The following EPHA5 variants were observed in gnomAD, a reference collection of about 807,000 sequenced individuals.
EPHA5 encodes ephrin type-A receptor 5.
A neutral mutation model predicts 105.0 loss-of-function variants in EPHA5; 60 were observed. That is an observed-to-expected ratio of 0.57 (90% confidence interval 0.46 to 0.71). EPHA5 has a LOEUF of 0.71. EPHA5 is among the 30% of genes least tolerant of loss of function. EPHA5 has a pLI of 0.00. For missense variants in EPHA5, 1,218 were observed against 1,274.7 expected, an observed-to-expected ratio of 0.96 and a Z score of 0.68; for synonymous variants, 513 against 449.1, an observed-to-expected ratio of 1.14 and a Z score of -1.80.
rs538315474 is a variant in EPHA5 at position 65,322,038 on chromosome 4, T to C, written c.*2076A>G. The C allele has an allele frequency of 8.8e-6, 2 of 226,476 alleles. No homozygotes were observed. Among genetic ancestry groups the C allele is most frequent in the African/African-American group, 4.4e-5 (2 of 45,116 alleles). 14.0% of individuals were successfully genotyped at this position (226,476 alleles called of 1,614,324 possible). ...GTTTATTGAAATGAACAAATGCATC[T>C]TTAATAATGGTGATGCTTTTTTATG... On this transcript the variant is annotated 3_prime_UTR_variant, in exon 17 of 17. Transcript: ENST00000613740.
intron 3 of EPHA5, among the ~76,000 whole-genome samples, chr4:65,528,632 A>G (rs1159860164): frequency 6.6e-6 from 1 of 152,182 alleles, no homozygotes; most frequent in Admixed American, 6.6e-5. Flanking sequence ...GTACTTGTCA[A>G]CAAATAGGTA....
At chr4:65,348,029 T>G (rs1365094017) in intron 14 of EPHA5, 25 bp downstream of exon 14, 2 of 1,546,832 alleles carry the variant, frequency 1.3e-6, no homozygotes, top group Admixed American at 2.1e-5. Context: ...ATTGTCAAGT[T>G]GGGAAAGAGT....
At chr4:65,639,862 G>A (rs766255646) in intron 2 of EPHA5, among the ~76,000 whole-genome samples, 22 of 151,948 alleles carry the variant, frequency 1.4e-4, no homozygotes, top group East Asian at 9.7e-4. Context: ...TGCTGTTAAG[G>A]CTGTATTGCA....
intron 3 of EPHA5, among the ~76,000 whole-genome samples, chr4:65,578,909 A>ATT (rs1410719989): frequency 6.6e-6 from 1 of 152,104 alleles, no homozygotes; most frequent in Non-Finnish European, 1.5e-5. Flanking sequence ...GTAAAATGCT[A>ATT]AAGACCGCTA....
At chr4:65,325,996 A>G (rs1257230192) in intron 16 of EPHA5, among the ~76,000 whole-genome samples, 1 of 148,498 alleles carries the variant, frequency 6.7e-6, no homozygotes, top group Non-Finnish European at 1.5e-5. Flanking sequence ...GTTGAGAATC[A>G]TTGAGATATA....
chr4:65,346,371 T>A (rs1421383833), intron 14 of EPHA5, among the ~76,000 whole-genome samples: 1 of 152,076 alleles, frequency 6.6e-6, no homozygotes, highest in Non-Finnish European at 1.5e-5. Flanking sequence ...GTGAAAACTA[T>A]CAAACTCTTT....
chr4:65,347,962 A>T (rs1722378455), intron 14 of EPHA5, 92 bp downstream of exon 14: 1 of 1,269,772 alleles, frequency 7.9e-7, no homozygotes, highest in Non-Finnish European at 1.1e-6. Context: ...TTCTTAAGCA[A>T]CTGTCACTTT....
intron 13 of EPHA5, 44 bp downstream of exon 13, chr4:65,351,345 T>C: frequency 6.6e-7 from 1 of 1,507,284 alleles, no homozygotes; most frequent in South Asian, 1.2e-5. Flanking sequence ...TAAAAATAAA[T>C]GGCTCTGGTC....
intron 3 of EPHA5, among the ~76,000 whole-genome samples, chr4:65,578,914 C>A (rs1003976712): frequency 6.6e-6 from 1 of 151,728 alleles, no homozygotes; most frequent in Non-Finnish European, 1.5e-5. Context: ...ATGCTAAAGA[C>A]CGCTATTAAA....
At chr4:65,361,291 G>A (rs1328612262) in intron 11 of EPHA5, among the ~76,000 whole-genome samples, 2 of 151,658 alleles carry the variant, frequency 1.3e-5, no homozygotes, top group South Asian at 2.1e-4. Flanking sequence ...TGAAGGTCGA[G>A]TAGAGAGAAG....
Position 65,404,180 on chromosome 4 carries a change from A to G in EPHA5, c.1793+194T>C, listed in dbSNP as rs561806870. 5.3e-5 allele frequency among the ~76,000 whole-genome samples: 8 copies of G among 152,290 alleles called. No homozygotes were observed. The South Asian group carries it at 1.7e-3, about 32-fold the overall frequency. On this transcript the variant is annotated intron_variant, in intron 8 of 16. Coordinates refer to ENST00000613740, the MANE Select transcript of EPHA5 (RefSeq NM_001281766.3). ...TCTTGTGAAGAGAGCATACCTAAAA[A>G]GAGAAATTGTGGGCTTAAAAAATAT...
chr4:65,606,755 C>T (rs916066688), intron 2 of EPHA5, among the ~76,000 whole-genome samples: 4 of 151,948 alleles, frequency 2.6e-5, no homozygotes, highest in Non-Finnish European at 5.9e-5. Context: ...AATCAAAAGC[C>T]CAGAATATAG....
At chr4:65,571,372 A>G (rs1375204083) in intron 3 of EPHA5, among the ~76,000 whole-genome samples, 1 of 152,010 alleles carries the variant, frequency 6.6e-6, no homozygotes, top group South Asian at 2.1e-4. Context: ...GTCTAAATCA[A>G]TAAGTGTTAA....
At chr4:65,378,618 C>A (rs1224911187) in intron 8 of EPHA5, among the ~76,000 whole-genome samples, 2 of 151,842 alleles carry the variant, frequency 1.3e-5, no homozygotes, top group Non-Finnish European at 2.9e-5. Flanking sequence ...TTGTTTATGG[C>A]TTCTTTAGTG....
chr4:65,354,710 A>C (rs1406031180), intron 11 of EPHA5, among the ~76,000 whole-genome samples: 1 of 151,744 alleles, frequency 6.6e-6, no homozygotes, highest in Non-Finnish European at 1.5e-5. Context: ...TACACATATC[A>C]TATTATCCAG....
At chr4:65,486,044 G>C (rs1730849406) in intron 5 of EPHA5, among the ~76,000 whole-genome samples, 1 of 152,074 alleles carries the variant, frequency 6.6e-6, no homozygotes, top group Non-Finnish European at 1.5e-5. Context: ...AAAGAGAAGA[G>C]ACTAAAAGTC....
intron 3 of EPHA5, among the ~76,000 whole-genome samples, chr4:65,586,923 T>C (rs547582014): frequency 4.8e-4 from 73 of 152,252 alleles, no homozygotes; most frequent in African/African-American, 1.7e-3. Flanking sequence ...CATAAGGACA[T>C]TTGTCTTCAT....
At chr4:65,522,562 TAGTG>T (rs894514670) in intron 3 of EPHA5, among the ~76,000 whole-genome samples, 26 of 152,002 alleles carry the variant, frequency 1.7e-4, no homozygotes, top group African/African-American at 6.0e-4. Flanking sequence ...CTGTGGTTAG[TAGTG>T]AGGAACAGGT....
rs1163042872 is a variant in EPHA5 at position 65,335,997 on chromosome 4, G to A, written c.2724C>T (p.Val908=). 1.9e-6 allele frequency: 3 copies of A among 1,613,076 alleles called. No homozygotes were observed. Among genetic ancestry groups the A allele is most frequent in the Non-Finnish European group, 2.5e-6 (3 of 1,179,530 alleles). Residue 908 remains valine, a synonymous_variant, in exon 15 of 17, where the codon GTC becomes GTT. Coordinates refer to ENST00000613740, the MANE Select transcript of EPHA5 (RefSeq NM_001281766.3). ...TACGTATCAGCTTGTCCAACATGTT[G>A]ACTATTTCATCAAACTTGGGCCTGC... ...RNSRPKFDEI[V]NMLDKLIRNP...
Sources: gnomAD v4.1 joint callset for allele counts (sites outside exome capture counted in the v4.1 genomes callset) on GRCh38, gnomAD v4.1.1 for gene constraint, MANE v1.5 for transcripts, NCBI Gene and HGNC (gene_info 2026-07-23, HGNC 2026-07-21) for gene names.